CDH13: variants seen among roughly 807,000 people sequenced by gnomAD.
CDH13 encodes cadherin-13.
In CDH13, 24 loss-of-function variants were observed where a neutral mutation model predicts 63.8. That is an observed-to-expected ratio of 0.38 (90% confidence interval 0.27 to 0.53). The LOEUF (loss-of-function observed/expected upper bound fraction) is 0.53. Ranked by LOEUF, CDH13 falls within the 20% of genes least tolerant of loss-of-function variation. The pLI, the probability that CDH13 is intolerant of heterozygous loss-of-function variation, is 0.85. For missense variants in CDH13, 1,049 were observed against 903.1 expected (o/e 1.16, Z -2.07); for synonymous variants, 503 against 355.3 (o/e 1.42, Z -4.67).
intron 4 of CDH13, among the ~76,000 whole-genome samples, chr16:83,208,569 C>G (rs537942612): frequency 1.3e-5 from 2 of 151,938 alleles, no homozygotes; most frequent in South Asian, 4.2e-4. Context: ...TAAAAGTTGT[C>G]TTTTCCTGTG....
At chr16:83,745,634 C>T (rs1202987203) in intron 10 of CDH13, among the ~76,000 whole-genome samples, 2 of 152,180 alleles carry the variant, frequency 1.3e-5, no homozygotes, top group Non-Finnish European at 2.9e-5. Flanking sequence ...TTCCCTGGCT[C>T]CCCTTCTCAA....
intron 4 of CDH13, among the ~76,000 whole-genome samples, chr16:83,125,755 T>C (rs2035781365): frequency 6.6e-6 from 1 of 152,196 alleles, no homozygotes; most frequent in Admixed American, 6.5e-5. Flanking sequence ...AGCAGGAAGA[T>C]GTCAATGGTT....
At chr16:83,631,157 G>T (rs1385248319) in intron 8 of CDH13, among the ~76,000 whole-genome samples, 1 of 152,208 alleles carries the variant, frequency 6.6e-6, no homozygotes, top group African/African-American at 2.4e-5. Context: ...CAGTCAACGA[G>T]CGCAAGTTGT....
intron 1 of CDH13, among the ~76,000 whole-genome samples, chr16:82,674,211 C>T (rs1056836340): frequency 4.6e-5 from 7 of 152,194 alleles, no homozygotes; most frequent in African/African-American, 1.7e-4. Flanking sequence ...GCCTGGTGCC[C>T]TTCCTGCATT....
intron 6 of CDH13, among the ~76,000 whole-genome samples, chr16:83,420,499 A>G (rs1002952627): frequency 1.3e-5 from 2 of 152,240 alleles, no homozygotes; most frequent in African/African-American, 4.8e-5. Context: ...CTCTCGTAAT[A>G]GTTCATTGCA....
chr16:83,095,203 G>T (rs2034133848), intron 3 of CDH13, among the ~76,000 whole-genome samples: 1 of 152,162 alleles, frequency 6.6e-6, no homozygotes, highest in African/African-American at 2.4e-5. Flanking sequence ...TGACATCATG[G>T]AATTGGAAGA....
intron 4 of CDH13, among the ~76,000 whole-genome samples, chr16:83,161,253 AAGAC>A (rs1403779364): frequency 6.6e-6 from 1 of 152,176 alleles, no homozygotes; most frequent in Non-Finnish European, 1.5e-5. Flanking sequence ...ATTTGAGTAA[AAGAC>A]AGAGAATCAT....
rs1329529903 is a variant in CDH13, at chr16:83,081,717, GAGAA to G, written c.367-43664_367-43661del. Among the ~76,000 whole-genome samples, 22 of 152,134 alleles carry G rather than the reference GAGAA, an allele frequency of 1.4e-4. 1 individual carries two copies. In the East Asian group the frequency reaches 2.9e-3, roughly 20 times the overall value. On this transcript the variant is annotated intron_variant, in intron 3 of 13. Coordinates refer to ENST00000567109, the MANE Select transcript of CDH13 (RefSeq NM_001257.5). Reference sequence around the variant, plus strand: ...AGAGAGAGAGAGAGAAAGAGAGAGAGAGAAAGAGCTCGCAAGGATCATCTCCTTA... The same window carrying G: ...AGAGAGAGAGAGAGAAAGAGAGAGAGAGAGCTCGCAAGGATCATCTCCTTA...
At chr16:83,093,517 A>C (rs11646533) in intron 3 of CDH13, among the ~76,000 whole-genome samples, 1 of 151,208 alleles carries the variant, frequency 6.6e-6, no homozygotes, top group Non-Finnish European at 1.5e-5. Context: ...ATGGGATTTC[A>C]CCGTGTTGGC....
intron 1 of CDH13, among the ~76,000 whole-genome samples, chr16:82,855,215 C>T (rs1264981011): frequency 6.6e-6 from 1 of 152,086 alleles, no homozygotes. Flanking sequence ...TATTTTGTAA[C>T]TGTAGAGGAA....
chr16:83,172,266 A>G (rs1156898530), intron 4 of CDH13, among the ~76,000 whole-genome samples: 4 of 152,108 alleles, frequency 2.6e-5, no homozygotes, highest in Non-Finnish European at 5.9e-5. Flanking sequence ...CGAGGCAGGC[A>G]GATCACTTGA....
At chr16:83,384,976 A>G (rs948205776) in intron 6 of CDH13, among the ~76,000 whole-genome samples, 1 of 152,234 alleles carries the variant, frequency 6.6e-6, no homozygotes, top group Non-Finnish European at 1.5e-5. Flanking sequence ...TATCTCAAAT[A>G]AGCTCTCCTG....
At chr16:83,279,143 T>C (rs2089084394) in intron 5 of CDH13, among the ~76,000 whole-genome samples, 1 of 152,058 alleles carries the variant, frequency 6.6e-6, no homozygotes, top group Admixed American at 6.6e-5. Context: ...TCACAGGAAA[T>C]AGTTTTAAGT....
chr16:83,609,925 A>G (rs903394990), intron 8 of CDH13, among the ~76,000 whole-genome samples: 4 of 152,152 alleles, frequency 2.6e-5, no homozygotes, highest in African/African-American at 9.7e-5. Context: ...GTCAGCCTCT[A>G]TGGATTAGTT....
intron 2 of CDH13, chr16:82,953,708 C>G (rs1404545053): frequency 2.0e-5 from 3 of 152,110 alleles, no homozygotes; most frequent in South Asian, 4.1e-4. Context: ...AAATAATGAA[C>G]TGGGTGCTCA....
intron 10 of CDH13, among the ~76,000 whole-genome samples, chr16:83,747,506 G>A (rs1028812194): frequency 1.3e-5 from 2 of 152,010 alleles, no homozygotes; most frequent in Admixed American, 6.6e-5. Flanking sequence ...AAATCACTCA[G>A]TCTTGAGTAT....
intron 4 of CDH13, among the ~76,000 whole-genome samples, chr16:83,149,085 A>G (rs1253344703): frequency 6.6e-6 from 1 of 152,230 alleles, no homozygotes; most frequent in African/African-American, 2.4e-5. Flanking sequence ...ATATGTCCTT[A>G]TCTTGTTACT....
intron 1 of CDH13, among the ~76,000 whole-genome samples, chr16:82,701,987 A>G (rs898426360): frequency 3.3e-5 from 5 of 152,190 alleles, no homozygotes; most frequent in African/African-American, 1.2e-4. Context: ...GGACATGAAT[A>G]AGCGGCTTAC....
At chr16:83,021,148 G>A (rs1417805160) in intron 2 of CDH13, among the ~76,000 whole-genome samples, 1 of 152,154 alleles carries the variant, frequency 6.6e-6, no homozygotes, top group Non-Finnish European at 1.5e-5. Flanking sequence ...CTTAATGGGT[G>A]ACTTTCAAAT....
Sources: gnomAD v4.1 joint callset for allele counts (sites outside exome capture counted in the v4.1 genomes callset) on GRCh38, gnomAD v4.1.1 for gene constraint, MANE v1.5 for transcripts, NCBI Gene and HGNC (gene_info 2026-07-23, HGNC 2026-07-21) for gene names.